Variants in MYO1H observed in about 807,000 individuals in gnomAD.
MYO1H encodes the protein unconventional myosin-Ih.
A neutral mutation model predicts 149.3 loss-of-function variants in MYO1H; 118 were observed. The observed-to-expected ratio is 0.79, with a 90% CI of 0.68 to 0.92. MYO1H has a LOEUF of 0.92. Among genes scored for constraint, MYO1H ranks in the 40% least tolerant of loss-of-function variants. The probability of loss-of-function intolerance (pLI) is 0.00; values close to 1 mark genes in which losing one functional copy is unlikely to be tolerated. For missense variants in MYO1H, 1,212 were observed against 1,280.7 expected (o/e 0.95, Z 0.82); for synonymous variants, 447 against 465.2 (o/e 0.96, Z 0.50).
chr12:109,326,852 G>A, the MYO1H span, among the ~76,000 whole-genome samples: 1 of 152,044 alleles, frequency 6.6e-6, no homozygotes, highest in Non-Finnish European at 1.5e-5. Context: ...AATGGGCAAG[G>A]TTTAGAAGAG....
intron 1 of MYO1H, among the ~76,000 whole-genome samples, chr12:109,379,680 C>T (rs1230836329): frequency 1.3e-5 from 2 of 148,794 alleles, no homozygotes; most frequent in Non-Finnish European, 3.0e-5. Flanking sequence ...AACAAATCTA[C>T]ATGTAAATTG....
chr12:109,380,503 G>A (rs1320129704), intron 1 of MYO1H, among the ~76,000 whole-genome samples: 1 of 152,130 alleles, frequency 6.6e-6, no homozygotes, highest in Non-Finnish European at 1.5e-5. Flanking sequence ...AATTCAAAAA[G>A]TTTTAGATGG....
At position 109,394,463 on chromosome 12, in the gene MYO1H, C is replaced by T. The variant is rs542337564; in HGVS notation, c.290+1017C>T. Among the ~76,000 whole-genome samples, 4 of 152,200 alleles carry T rather than the reference C, an allele frequency of 2.6e-5. 1 individual carries two copies. In the South Asian group the frequency reaches 8.3e-4, roughly 32 times the overall value. On this transcript the variant is annotated intron_variant, in intron 3 of 31. Transcript: ENST00000310903. ...ACGTTTTTAGGCCTTAAAACCTTACCATTTTAAATAATTTCCCTTGTATTT... is the reference window on the plus strand; with the variant it reads ...ACGTTTTTAGGCCTTAAAACCTTACTATTTTAAATAATTTCCCTTGTATTT...
chr12:109,371,546 A>G (rs1211241928), intron 1 of MYO1H, among the ~76,000 whole-genome samples: 2 of 152,080 alleles, frequency 1.3e-5, no homozygotes, highest in Non-Finnish European at 2.9e-5. Flanking sequence ...GTAGCATTCT[A>G]TTTAGGAGAT....
chr12:109,444,942 G>C (rs1055593127), intron 30 of MYO1H, among the ~76,000 whole-genome samples: 4 of 151,862 alleles, frequency 2.6e-5, no homozygotes, highest in African/African-American at 9.7e-5. Context: ...TGCTTCCAAC[G>C]TAATCAAGCA....
chr12:109,340,472 G>A, the MYO1H span, among the ~76,000 whole-genome samples: 4 of 152,080 alleles, frequency 2.6e-5, no homozygotes, highest in Non-Finnish European at 5.9e-5. Context: ...CTAGCAAGAG[G>A]TCATTTTTAA....
the MYO1H span, among the ~76,000 whole-genome samples, chr12:109,334,174 G>A: frequency 6.6e-6 from 1 of 151,842 alleles, no homozygotes; most frequent in African/African-American, 2.4e-5. Flanking sequence ...ACACTACCAC[G>A]CCCAGCTAAT....
At chr12:109,360,299 T>G (rs1418554406) in intron 1 of MYO1H, among the ~76,000 whole-genome samples, 2 of 152,150 alleles carry the variant, frequency 1.3e-5, no homozygotes, top group African/African-American at 4.8e-5. Flanking sequence ...GTGTACCAGC[T>G]CTAATCGGTT....
At chr12:109,373,259 T>G (rs1869024426) in intron 1 of MYO1H, among the ~76,000 whole-genome samples, 1 of 152,154 alleles carries the variant, frequency 6.6e-6, no homozygotes, top group Non-Finnish European at 1.5e-5. Flanking sequence ...TAAAGAAAAC[T>G]TACGTCTTTT....
At chr12:109,392,741 G>T (rs887778832) in intron 2 of MYO1H, among the ~76,000 whole-genome samples, 16 of 151,740 alleles carry the variant, frequency 1.1e-4, no homozygotes, top group Admixed American at 9.2e-4. Context: ...ACTTCCCCAT[G>T]CCTGCTAATA....
chr12:109,393,443 A>G, exon 3 of MYO1H: 1 of 1,566,194 alleles, frequency 6.4e-7, no homozygotes. Context: ...CTGCCACCAC[A>G]TGTGTAAGTA....
chr12:109,349,490 C>CAT (rs1868407752), intron 1 of MYO1H, among the ~76,000 whole-genome samples: 1 of 108,906 alleles, frequency 9.2e-6, no homozygotes, highest in Non-Finnish European at 1.9e-5. Flanking sequence ...TAGTGTGACC[C>CAT]CCCCACCAAA....
At chr12:109,417,825 G>GTT (rs201815885) in intron 15 of MYO1H, among the ~76,000 whole-genome samples, 14 of 149,956 alleles carry the variant, frequency 9.3e-5, no homozygotes, top group South Asian at 8.4e-4. Context: ...GTTTTGTTTT[G>GTT]TTTTTTTTGA....
chr12:109,409,817 C>T, intron 11 of MYO1H, 146 bp from the exon 12 acceptor site: 1 of 660,126 alleles, frequency 1.5e-6, no homozygotes, highest in Non-Finnish European at 2.6e-6. Flanking sequence ...TTTCACTTGA[C>T]TCTTATGATC....
intron 1 of MYO1H, among the ~76,000 whole-genome samples, chr12:109,372,275 C>A (rs898388798): frequency 1.3e-5 from 2 of 151,916 alleles, no homozygotes; most frequent in Admixed American, 6.6e-5. Flanking sequence ...GTGTTTAAAT[C>A]TTTGATCCTT....
chr12:109,370,359 A>C lies in MYO1H; in HGVS notation c.13-18324A>C, dbSNP rs145174695. Among the ~76,000 whole-genome samples, 3 of 152,318 alleles carry C rather than the reference A, an allele frequency of 2.0e-5. No individual in the cohort carries two copies. In the South Asian group the frequency reaches 6.2e-4, roughly 32 times the overall value. On this transcript the variant is annotated intron_variant, in intron 1 of 31. Coordinates refer to ENST00000310903, the Ensembl canonical transcript of MYO1H. Reference sequence around the variant, plus strand: ...GAAGGTAGTTCCTGTCATCTCTATCATGCCAAGGTCCAAAGGAGGCAGTGA... The same window carrying C: ...GAAGGTAGTTCCTGTCATCTCTATCCTGCCAAGGTCCAAAGGAGGCAGTGA...
the MYO1H span, among the ~76,000 whole-genome samples, chr12:109,331,737 G>A: frequency 2.6e-5 from 4 of 152,174 alleles, no homozygotes; most frequent in African/African-American, 4.8e-5. Context: ...CAGTTCTCCC[G>A]TGCAATTACT....
At chr12:109,446,217 G>A in intron 31 of MYO1H, 1 of 985,464 alleles carries the variant, frequency 1.0e-6, no homozygotes, top group Non-Finnish European at 1.2e-6. Context: ...TCTAGCCTGA[G>A]CACACAAGTA....
chr12:109,429,207 A>AAAAC (rs35680732), intron 19 of MYO1H, among the ~76,000 whole-genome samples: 80,208 of 151,246 alleles, frequency 0.53, 22,030 homozygotes, highest in African/African-American at 0.66. Context: ...ACTCTGTATC[A>AAAAC]AAACAAACAA....
Sources: allele counts gnomAD v4.1 joint callset (sites outside exome capture counted in the v4.1 genomes callset), GRCh38; gene constraint gnomAD v4.1.1; transcripts MANE v1.5; gene names NCBI Gene and HGNC (gene_info 2026-07-23, HGNC 2026-07-21).